The following SOX5 variants were observed in gnomAD, a reference collection of about 807,000 sequenced individuals.
SOX5 encodes the protein transcription factor SOX-5.
In SOX5, 9 loss-of-function variants were observed where a neutral mutation model predicts 92.0. The ratio of observed to expected loss-of-function variants is 0.10; its 90% CI spans 0.06 to 0.17. SOX5 has a LOEUF of 0.17. SOX5 is among the 10% of genes least tolerant of loss of function. The probability of loss-of-function intolerance (pLI) is 1.00; values close to 1 mark genes in which losing one functional copy is unlikely to be tolerated. For missense variants in SOX5, 642 were observed against 944.5 expected (o/e 0.68, Z 4.20); for synonymous variants, 344 against 336.3 (o/e 1.02, Z -0.25).
chr12:23,814,439 T>A (rs2095944362), intron 3 of SOX5, among the ~76,000 whole-genome samples: 2 of 152,254 alleles, frequency 1.3e-5, no homozygotes, highest in South Asian at 2.1e-4. Flanking sequence ...GAAAAGACTG[T>A]ACAACAGAGA....
At chr12:24,210,838 A>T (rs1346153440) in intron 4 of SOX5, among the ~76,000 whole-genome samples, 1 of 152,206 alleles carries the variant, frequency 6.6e-6, no homozygotes, top group Admixed American at 6.5e-5. Context: ...ATCATTATTA[A>T]ATCTATTTTT....
intron 6 of SOX5, among the ~76,000 whole-genome samples, chr12:23,719,788 C>CAAAAAAAAAAAA (rs33914230): frequency 3.1e-5 from 2 of 64,172 alleles, no homozygotes; most frequent in Non-Finnish European, 5.5e-5. Context: ...AGCTATTTAC[C>CAAAAAAAAAAAA]AAAAAAAAAA....
intron 2 of SOX5, among the ~76,000 whole-genome samples, chr12:24,301,838 A>G (rs1388276364): frequency 6.6e-6 from 1 of 152,202 alleles, no homozygotes; most frequent in African/African-American, 2.4e-5. Flanking sequence ...CTATGATCCA[A>G]GCTGATTTTA....
intron 1 of SOX5, among the ~76,000 whole-genome samples, chr12:23,925,955 A>G (rs923783115): frequency 1.3e-5 from 2 of 152,112 alleles, no homozygotes; most frequent in Non-Finnish European, 2.9e-5. Flanking sequence ...TCAATAACCA[A>G]TATAACCATA....
At chr12:24,070,558 C>T (rs117453824) in intron 4 of SOX5, among the ~76,000 whole-genome samples, 1,587 of 151,832 alleles carry the variant, frequency 0.01, 18 homozygotes, top group Middle Eastern at 0.021. Context: ...AATCATGGTG[C>T]CCTTTTTCAT....
At chr12:24,230,397 A>C (rs1214069253) in intron 3 of SOX5, among the ~76,000 whole-genome samples, 4 of 152,158 alleles carry the variant, frequency 2.6e-5, no homozygotes, top group Non-Finnish European at 5.9e-5. Context: ...GAAAAAGAAA[A>C]AAAGCTGGGG....
chr12:24,425,553 G>C (rs1267518339), intron 1 of SOX5, among the ~76,000 whole-genome samples: 1 of 152,248 alleles, frequency 6.6e-6, no homozygotes, highest in Non-Finnish European at 1.5e-5. Flanking sequence ...ATTTTGGGGG[G>C]TACTGACTGC....
chr12:24,277,417 T>C (rs902002700), intron 2 of SOX5: 1 of 148,610 alleles, frequency 6.7e-6, no homozygotes, highest in East Asian at 1.9e-4. Flanking sequence ...AAAAGAAATT[T>C]ATATTTATAT....
chr12:24,547,668 T>C (rs1386514722), intron 1 of SOX5, among the ~76,000 whole-genome samples: 2 of 152,236 alleles, frequency 1.3e-5, no homozygotes, highest in South Asian at 2.1e-4. Context: ...ATCTAATTGA[T>C]TAATAAAATA....
At chr12:24,417,916 A>G (rs1965295179) in intron 1 of SOX5, among the ~76,000 whole-genome samples, 2 of 152,188 alleles carry the variant, frequency 1.3e-5, no homozygotes, top group Non-Finnish European at 1.5e-5. Flanking sequence ...ATCATATTTC[A>G]CAGAAGCTGG....
intron 2 of SOX5, among the ~76,000 whole-genome samples, chr12:24,333,730 G>A (rs1022042027): frequency 6.6e-6 from 1 of 151,548 alleles, no homozygotes; most frequent in Admixed American, 6.6e-5. Context: ...TCAGTAAAAA[G>A]ACAAAGTTGC....
intron 1 of SOX5, among the ~76,000 whole-genome samples, chr12:23,942,506 G>C (rs1410774884): frequency 6.6e-6 from 1 of 151,716 alleles, no homozygotes; most frequent in Admixed American, 6.6e-5. Flanking sequence ...ATTAACAACA[G>C]GCAACACAGG....
At position 23,763,608 on chromosome 12, in the gene SOX5, C is replaced by T. The variant is rs574255199; in HGVS notation, c.482-7884G>A. 2.0e-4 allele frequency among the ~76,000 whole-genome samples: 30 copies of T among 151,974 alleles called. No individual in the cohort carries two copies. In the South Asian group the frequency reaches 3.7e-3, roughly 19 times the overall value. On this transcript the variant is annotated intron_variant, in intron 3 of 14. Transcript: ENST00000451604. Reference sequence around the variant, plus strand: ...ACTTCTATTAAGTTAATGTATAAAACGCCCGTAAACAGCACAAATACAAAA... The same window carrying T: ...ACTTCTATTAAGTTAATGTATAAAATGCCCGTAAACAGCACAAATACAAAA...
At chr12:24,341,289 C>T (rs1480308840) in intron 2 of SOX5, among the ~76,000 whole-genome samples, 1 of 152,054 alleles carries the variant, frequency 6.6e-6, no homozygotes, top group Non-Finnish European at 1.5e-5. Context: ...CCAGCCTGGG[C>T]AACACAGGGA....
intron 1 of SOX5, among the ~76,000 whole-genome samples, chr12:24,487,360 T>A (rs1231228697): frequency 6.6e-6 from 1 of 152,150 alleles, no homozygotes; most frequent in African/African-American, 2.4e-5. Context: ...AGGAAAATGT[T>A]TCTTTATAAG....
chr12:24,404,236 A>G (rs1220505443), intron 1 of SOX5, among the ~76,000 whole-genome samples: 2 of 152,160 alleles, frequency 1.3e-5, no homozygotes, highest in East Asian at 1.9e-4. Context: ...AATATGCCCT[A>G]CGTGAAGCCG....
intron 4 of SOX5, among the ~76,000 whole-genome samples, chr12:24,197,703 C>T (rs569300042): frequency 6.6e-6 from 1 of 152,284 alleles, no homozygotes; most frequent in Non-Finnish European, 1.5e-5. Flanking sequence ...GCCCTACCAG[C>T]CCTCTTGTGA....
intron 4 of SOX5, among the ~76,000 whole-genome samples, chr12:24,045,332 T>A (rs1373316101): frequency 6.6e-6 from 1 of 152,244 alleles, no homozygotes; most frequent in Non-Finnish European, 1.5e-5. Context: ...AAATAGCATC[T>A]GTACGTATTA....
At chr12:23,628,953 C>T (rs137903219) in intron 8 of SOX5, among the ~76,000 whole-genome samples, 8 of 152,034 alleles carry the variant, frequency 5.3e-5, no homozygotes, top group East Asian at 1.9e-4. Context: ...ATGACTGCAA[C>T]GTCTTATCTG....
Sources: gnomAD v4.1 joint callset for allele counts (sites outside exome capture counted in the v4.1 genomes callset) on GRCh38, gnomAD v4.1.1 for gene constraint, MANE v1.5 for transcripts, NCBI Gene and HGNC (gene_info 2026-07-23, HGNC 2026-07-21) for gene names.